Variants in KLHL4 observed in about 807,000 individuals in gnomAD.
The protein encoded by KLHL4 is kelch-like protein 4.
KLHL4 carries 17 observed loss-of-function variants against 45.8 expected under a neutral mutation model. The observed-to-expected ratio is 0.37, with a 90% CI of 0.25 to 0.56. The LOEUF is 0.56. Ranked by LOEUF, KLHL4 falls within the 20% of genes least tolerant of loss-of-function variation. The pLI, the probability that KLHL4 is intolerant of heterozygous loss-of-function variation, is 0.79. For synonymous variants in KLHL4, 224 were observed against 189.9 expected (o/e 1.18, Z -1.47); for missense variants, 544 against 544.9 (o/e 1.00, Z 0.02).
Position 87,667,628 on chromosome X carries a change from A to T in KLHL4, c.*1094A>T, listed in dbSNP as rs924473217. 28 of 588,850 alleles carry T rather than the reference A, an allele frequency of 4.8e-5. No homozygotes were observed. Among genetic ancestry groups the T allele is most frequent in the Non-Finnish European group, 5.3e-5 (26 of 490,388 alleles). 48.5% of individuals were successfully genotyped at this position (588,850 alleles called of 1,213,427 possible). ...AAGACTTGTTAAGTTTTAAAATAAC[A>T]AAAATGGCTAGTTGAATAGTATTTT... On this transcript the variant is annotated 3_prime_UTR_variant, in exon 11 of 11. Transcript: ENST00000373119.
At chrX:87,545,546 CAATT>C (rs1327865425) in intron 1 of KLHL4, among the ~76,000 whole-genome samples, 1 of 111,668 alleles carries the variant, frequency 9.0e-6, no homozygotes, top group Non-Finnish European at 1.9e-5. Flanking sequence ...AACTGTGAGT[CAATT>C]AAACCACTTT....
At chrX:87,521,647 G>T (rs570744702) in intron 1 of KLHL4, among the ~76,000 whole-genome samples, 1 of 111,989 alleles carries the variant, frequency 8.9e-6, no homozygotes, top group African/African-American at 3.2e-5. Context: ...GAAGTGAAAA[G>T]AAGACAGAAT....
chrX:87,539,992 T>C (rs1462447104), intron 1 of KLHL4, among the ~76,000 whole-genome samples: 1 of 111,806 alleles, frequency 8.9e-6, no homozygotes, highest in Non-Finnish European at 1.9e-5. Context: ...TACAAACCTG[T>C]GTAGGATATT....
chrX:87,645,371 A>T (rs1216981504), intron 9 of KLHL4, among the ~76,000 whole-genome samples: 1 of 111,899 alleles, frequency 8.9e-6, no homozygotes, highest in Non-Finnish European at 1.9e-5. Flanking sequence ...GTCCTGCAAG[A>T]ATGGTCATAA....
At chrX:87,604,115 C>A (rs1364925098) in intron 1 of KLHL4, among the ~76,000 whole-genome samples, 2 of 111,001 alleles carry the variant, frequency 1.8e-5, no homozygotes, top group African/African-American at 3.3e-5. Context: ...ATATATACTA[C>A]ATTTTTTATT....
At position 87,555,874 on chromosome X, in the gene KLHL4, T is replaced by C. The variant is rs748918798; in HGVS notation, c.422+37559T>C. Among the ~76,000 whole-genome samples the C allele has an allele frequency of 2.0e-3, 218 of 106,912 alleles. 1 individual carries two copies. The highest frequency in any genetic ancestry group is 7.2e-3 in the African/African-American group (211 of 29,311). The allele number at this position is 106,912 out of a possible 115,157, so 92.8% of individuals were successfully genotyped here. A position where few individuals can be genotyped will look rare whatever the true frequency, so the allele number is the denominator to read the frequency against. The stretch of plus-strand genomic sequence containing the variant: ...GGCATTTAGTGCTATAAATTTCCCT[T>C]TACACACTGCTTTGAATGTGTCCCA... On this transcript the variant is annotated intron_variant, in intron 1 of 10. Transcript: ENST00000373119.
chrX:87,653,175 A>G (rs222107), intron 9 of KLHL4, among the ~76,000 whole-genome samples: 1 of 110,392 alleles, frequency 9.1e-6, no homozygotes, highest in African/African-American at 3.3e-5. Flanking sequence ...GGGTGTGGAC[A>G]TAGCCAAACC....
intron 1 of KLHL4, among the ~76,000 whole-genome samples, chrX:87,587,475 T>C (rs1213142984): frequency 8.9e-6 from 1 of 111,808 alleles, no homozygotes; most frequent in African/African-American, 3.2e-5. Flanking sequence ...ATTTCTGGAA[T>C]GTCAGGATAG....
At chrX:87,621,065 G>C (rs925354540) in intron 4 of KLHL4, among the ~76,000 whole-genome samples, 1 of 111,747 alleles carries the variant, frequency 8.9e-6, no homozygotes, top group Non-Finnish European at 1.9e-5. Context: ...TTTCTGATGG[G>C]TGTATCAACA....
At chrX:87,531,204 C>T (rs1569334982) in intron 1 of KLHL4, among the ~76,000 whole-genome samples, 1 of 110,090 alleles carries the variant, frequency 9.1e-6, no homozygotes, top group Admixed American at 9.7e-5. Context: ...AATTTTCTCC[C>T]ATTTTGTAGG....
rs183387015 is a variant in KLHL4 at position 87,557,941 on chromosome X, T to G, written c.422+39626T>G. Among the ~76,000 whole-genome samples the G allele has an allele frequency of 2.9e-3, 324 of 110,785 alleles. 1 individual carries two copies. The highest frequency in any genetic ancestry group is 0.01 in the African/African-American group (312 of 30,369). ...CTTCTATTGGTCATTAAGAATTGTC[T>G]CAAGGACTCAAATTGCAACTTGAAA... On this transcript the variant is annotated intron_variant, in intron 1 of 10. Transcript: ENST00000373119.
intron 9 of KLHL4, among the ~76,000 whole-genome samples, chrX:87,663,140 T>C (rs1230247700): frequency 9.1e-6 from 1 of 109,809 alleles, no homozygotes; most frequent in Non-Finnish European, 1.9e-5. Flanking sequence ...ATTACTATAA[T>C]GTTAATGAGA....
chrX:87,632,275 G>T lies in KLHL4; in HGVS notation c.1390G>T (p.Gly464Cys), dbSNP rs1923120274. 8.3e-7 allele frequency: 1 copy of T among 1,206,828 alleles called. No individual in the cohort carries two copies. Among genetic ancestry groups the T allele is most frequent in the African/African-American group, 1.8e-5 (1 of 57,045 alleles). The change falls in exon 7 of 11, where the codon GGC (glycine) becomes TGC (cysteine). Residue 464 changes from glycine to cysteine, a missense_variant. Gly to Cys is a radical substitution (Grantham distance 159, BLOSUM62 -3). Transcript: ENST00000373119. ...TTGGCTACATATTGGCACCATGAAT[G>T]GCCGTAGGCTTCAATTTGGAGTCGC... is the stretch of plus-strand genomic sequence containing the variant. Reference protein sequence around the residue: ...NSWLHIGTMNGRRLQFGVAVI... With the variant: ...NSWLHIGTMNCRRLQFGVAVI...
intron 1 of KLHL4, among the ~76,000 whole-genome samples, chrX:87,537,345 T>A (rs1008934262): frequency 5.4e-5 from 6 of 111,659 alleles, no homozygotes; most frequent in Admixed American, 9.6e-5. Flanking sequence ...TTATTTATAA[T>A]ATTAATTTGA....
At chrX:87,538,042 G>A (rs761814103) in intron 1 of KLHL4, among the ~76,000 whole-genome samples, 4 of 111,541 alleles carry the variant, frequency 3.6e-5, no homozygotes, top group South Asian at 3.7e-4. Context: ...TTTTATGCTC[G>A]GCATAGACAA....
chrX:87,621,252 T>A (rs767638424), intron 4 of KLHL4, among the ~76,000 whole-genome samples: 2 of 111,577 alleles, frequency 1.8e-5, no homozygotes, highest in South Asian at 3.7e-4. Flanking sequence ...GCCAAGTAGG[T>A]ATGTTTATCT....
At chrX:87,611,529 C>T (rs1035425688) in intron 1 of KLHL4, among the ~76,000 whole-genome samples, 4 of 111,143 alleles carry the variant, frequency 3.6e-5, no homozygotes, top group Non-Finnish European at 5.7e-5. Context: ...GCACTACTCA[C>T]ATGTTTGTAG....
At chrX:87,653,236 G>A (rs775482967) in intron 9 of KLHL4, among the ~76,000 whole-genome samples, 2 of 111,707 alleles carry the variant, frequency 1.8e-5, no homozygotes, top group African/African-American at 6.5e-5. Flanking sequence ...GAAGGGTCCA[G>A]TTTCAATTTT....
intron 1 of KLHL4, among the ~76,000 whole-genome samples, chrX:87,603,381 A>G (rs17253260): frequency 0.15 from 16,721 of 110,388 alleles, 1,068 homozygotes; most frequent in Non-Finnish European, 0.2. Flanking sequence ...TTTAATTAGC[A>G]TGTTTTTACC....
Sources: allele counts gnomAD v4.1 joint callset (sites outside exome capture counted in the v4.1 genomes callset), GRCh38; gene constraint gnomAD v4.1.1; transcripts MANE v1.5; gene names NCBI Gene and HGNC (gene_info 2026-07-23, HGNC 2026-07-21).